Variants in ACIN1 observed in about 807,000 individuals in gnomAD.
ACIN1 encodes apoptotic chromatin condensation inducer 1, also known as apoptotic chromatin condensation inducer in the nucleus.
ACIN1 carries 16 observed loss-of-function variants against 146.6 expected under a neutral mutation model. The observed-to-expected ratio is 0.11, with a 90% CI of 0.07 to 0.17. The LOEUF (loss-of-function observed/expected upper bound fraction) is 0.17, where lower values mean the gene tolerates loss of function less well. ACIN1 is among the 10% of genes least tolerant of loss of function. ACIN1 has a pLI of 1.00. For synonymous variants in ACIN1, 569 were observed against 582.7 expected (o/e 0.98, Z 0.34); for missense variants, 1,357 against 1,609.3 (o/e 0.84, Z 2.68).
At chr14:23,059,870 T>C (rs1276064110) in intron 18 of ACIN1, among the ~76,000 whole-genome samples, 1 of 151,768 alleles carries the variant, frequency 6.6e-6, no homozygotes, top group Non-Finnish European at 1.5e-5. Flanking sequence ...TTAGCCAGGA[T>C]GGTCTTGATC....
chr14:23,063,608 T>C (rs1489335196), intron 12 of ACIN1, 31 bp from the exon 13 acceptor site: 2 of 1,613,264 alleles, frequency 1.2e-6, no homozygotes, highest in East Asian at 2.2e-5. Context: ...ACAGCAGGTC[T>C]GTTAAACACC....
chr14:23,078,417 A>C lies in ACIN1; in HGVS notation c.2008-151T>G, dbSNP rs1439346374. The C allele has an allele frequency of 7.1e-5, 42 of 589,574 alleles. 1 individual carries two copies. In the South Asian group the frequency reaches 9.7e-4, roughly 14 times the overall value. The allele number at this position is 589,574 out of a possible 1,614,324, so 36.5% of individuals were successfully genotyped here. A position where few individuals can be genotyped will look rare whatever the true frequency, so the allele number is the denominator to read the frequency against. ...TGTATCTGTTATTTCATTTTAGAATAAGGAAAGGAACATGGCTTAAAAATA... is the reference window on the plus strand; with the variant it reads ...TGTATCTGTTATTTCATTTTAGAATCAGGAAAGGAACATGGCTTAAAAATA... On this transcript the variant is annotated intron_variant, in intron 7 of 18. Coordinates refer to ENST00000605057, the MANE Select transcript of ACIN1 (RefSeq NM_001386863.1).
At chr14:23,069,648 G>GGGGGGGGGC in intron 8 of ACIN1, 31 bp from the exon 9 acceptor site, 13 of 589,338 alleles carry the variant, frequency 2.2e-5, no homozygotes, top group East Asian at 4.0e-5. Context: ...TGGTGGGGGG[G>GGGGGGGGGC]CGGGCAGAAA....
At chr14:23,081,266 T>TGTATC (rs1555373976) in intron 5 of ACIN1, among the ~76,000 whole-genome samples, 16 of 151,758 alleles carry the variant, frequency 1.1e-4, no homozygotes, top group African/African-American at 3.6e-4. Flanking sequence ...CACTTAGTGT[T>TGTATC]ATATAACTTT....
At position 23,080,028 on chromosome 14, in the gene ACIN1, T is replaced by C; in HGVS notation, c.1307A>G (p.Lys436Arg). 1 of 1,614,164 alleles carries C rather than the reference T, an allele frequency of 6.2e-7. No individual in the cohort carries two copies. ...SDTKAESPAE[K>R]VPEESVLPLV... ...AGGCAGGACACTCTCCTCTGGCACT[T>C]TCTCTGCTGGAGATTCTGCTTTGGT... Residue 436 changes from lysine to arginine, a missense_variant, in exon 6 of 19, where the codon AAA (lysine) becomes AGA (arginine). Lys to Arg is a conservative substitution (Grantham distance 26). Around this residue, in one of 4 missense-constraint regions of ACIN1, gnomAD observed 771 missense variants for 746.6 expected, o/e 1.03. Coordinates refer to ENST00000605057, the MANE Select transcript of ACIN1 (RefSeq NM_001386863.1).
chr14:23,094,555 C>G (rs10135208), intron 1 of ACIN1: 280,103 of 983,156 alleles, frequency 0.28, 40,164 homozygotes, highest in East Asian at 0.39. Context: ...GATACCGATA[C>G]CAACCCCATC....
chr14:23,068,282 C>T lies in ACIN1; in HGVS notation c.2265+1194G>A. On this transcript the variant is annotated intron_variant, in intron 9 of 18. Coordinates refer to ENST00000605057, the MANE Select transcript of ACIN1 (RefSeq NM_001386863.1). This position sits in a 1 kb window ranked among gnomAD's most constrained non-coding sequence, Gnocchi z 4.3. Reference sequence around the variant, plus strand: ...TGCCCTAGATGGGGATCCCAACAGTCTGTAGCAAACAAGGCAACCCACAGT... The same window carrying T: ...TGCCCTAGATGGGGATCCCAACAGTTTGTAGCAAACAAGGCAACCCACAGT... 3 of 985,934 alleles carry T rather than the reference C, an allele frequency of 3.0e-6. No individual in the cohort carries two copies. The highest frequency in any genetic ancestry group is 3.6e-6 in the Non-Finnish European group (3 of 829,982). 61.1% of individuals were successfully genotyped at this position (985,934 alleles called of 1,614,324 possible).
At chr14:23,069,321 C>A in intron 9 of ACIN1, 155 bp downstream of exon 9, 5 of 1,343,428 alleles carry the variant, frequency 3.7e-6, no homozygotes, top group Non-Finnish European at 2.9e-6. Context: ...CTTGCTAAAC[C>A]AGCGAATTCT....
chr14:23,093,558 G>T lies in ACIN1; in HGVS notation c.139-14C>A. The T allele has an allele frequency of 1.2e-6, 2 of 1,611,658 alleles. No individual in the cohort carries two copies. Among genetic ancestry groups the T allele is most frequent in the Non-Finnish European group, 1.7e-6 (2 of 1,178,002 alleles). ...TAGCATTAGAGCCTGGTATAGAGAA[G>T]GGTAAAAGTCAGAAATGATGAGGAA... On this transcript the variant is annotated splice_polypyrimidine_tract_variant and intron_variant, in intron 1 of 18. Coordinates refer to ENST00000605057, the MANE Select transcript of ACIN1 (RefSeq NM_001386863.1).
At chr14:23,059,814 C>G (rs909020459) in intron 18 of ACIN1, among the ~76,000 whole-genome samples, 1 of 151,592 alleles carries the variant, frequency 6.6e-6, no homozygotes, top group African/African-American at 2.4e-5. Flanking sequence ...CGACCACGCC[C>G]GGCTAATTTT....
intron 8 of ACIN1, chr14:23,071,042 A>G: frequency 7.0e-7 from 1 of 1,428,570 alleles, no homozygotes; most frequent in Non-Finnish European, 9.6e-7. Context: ...GAAAGACGGA[A>G]TGAAAGCCAT....
chr14:23,065,936 C>A, intron 10 of ACIN1, 30 bp downstream of exon 10: 3 of 1,604,800 alleles, frequency 1.9e-6, no homozygotes, highest in Non-Finnish European at 2.6e-6. Flanking sequence ...GTATTCCTGA[C>A]TTTTATCAGG....
intron 4 of ACIN1, among the ~76,000 whole-genome samples, chr14:23,084,010 G>A (rs1410898210): frequency 9.2e-5 from 14 of 151,476 alleles, no homozygotes; most frequent in Non-Finnish European, 2.1e-4. Flanking sequence ...GCAATGGCAC[G>A]ATTTCGGTTC....
chr14:23,071,104 A>G (rs752505186), intron 8 of ACIN1: 24 of 1,550,830 alleles, frequency 1.5e-5, no homozygotes, highest in East Asian at 2.4e-5. Context: ...AAAGGCATAC[A>G]TGGAAATGTG....
At chr14:23,062,749 G>T in intron 14 of ACIN1, 180 bp downstream of exon 14, 1 of 874,852 alleles carries the variant, frequency 1.1e-6, no homozygotes, top group Non-Finnish European at 1.7e-6. Context: ...ACCCTGCAGG[G>T]CAACAGCTTT....
At chr14:23,069,655 GAA>G in intron 8 of ACIN1, 38 bp from the exon 9 acceptor site, 1 of 1,548,770 alleles carries the variant, frequency 6.5e-7, no homozygotes, top group Non-Finnish European at 8.9e-7. Context: ...GGGGCGGGCA[GAA>G]AAGAACCAAG....
In ACIN1 at chr14:23,062,971, T is replaced by G. The variant is rs1177255368; in HGVS notation, c.2841A>C (p.Pro947=). ...CAATGTTGCTAATCTTGCCCCGGGG[T>G]GGGGAGGGCACCTGGGCAGTTCGGA... ...DPVRTAQVPS[P]PRGKISNIVH... The change falls in exon 14 of 19, where the codon CCA becomes CCC. Residue 947 remains proline (P), a synonymous_variant. Transcript: ENST00000605057. 1 of 1,612,080 alleles carries G rather than the reference T, an allele frequency of 6.2e-7. No homozygotes were observed. The highest frequency in any genetic ancestry group is 1.3e-5 in the African/African-American group (1 of 74,676).
intron 8 of ACIN1, among the ~76,000 whole-genome samples, chr14:23,073,675 T>G (rs547732223): frequency 6.6e-6 from 1 of 152,060 alleles, no homozygotes; most frequent in Admixed American, 6.5e-5. Flanking sequence ...AGAAAAAAAT[T>G]TTTTTAATAG....
chr14:23,087,604 G>A (rs77786892), intron 4 of ACIN1, among the ~76,000 whole-genome samples: 3,411 of 150,566 alleles, frequency 0.023, 142 homozygotes, highest in African/African-American at 0.078. Context: ...TTTTCATTTC[G>A]AATTATATTA....
Sources: gnomAD v4.1 joint callset for allele counts (sites outside exome capture counted in the v4.1 genomes callset) on GRCh38, gnomAD v4.1.1 for gene constraint, gnomAD v4.1.1 regional missense constraint, Gnocchi (gnomAD v3.1) non-coding constraint, MANE v1.5 for transcripts, NCBI Gene and HGNC (gene_info 2026-07-23, HGNC 2026-07-21) for gene names.